The following OSBPL10 variants were observed in gnomAD, a reference collection of about 807,000 sequenced individuals.
The protein encoded by OSBPL10 is oxysterol-binding protein-related protein 10.
Under a neutral mutation model 81.7 loss-of-function variants are expected in OSBPL10, and 49 were observed. That is an observed-to-expected ratio of 0.60 (90% CI 0.48 to 0.76). The LOEUF (loss-of-function observed/expected upper bound fraction) is 0.76, where lower values mean the gene tolerates loss of function less well. Ranked by LOEUF, OSBPL10 falls within the 30% of genes least tolerant of loss-of-function variation. The pLI is 0.00. For synonymous variants in OSBPL10, 419 were observed against 383.6 expected, an observed-to-expected ratio of 1.09 and a Z score of -1.08; for missense variants, 923 against 987.8, an observed-to-expected ratio of 0.93 and a Z score of 0.88.
intron 2 of OSBPL10, among the ~76,000 whole-genome samples, chr3:32,017,712 A>AG (rs1699328178): frequency 6.6e-6 from 1 of 152,218 alleles, no homozygotes; most frequent in Non-Finnish European, 1.5e-5. Context: ...ACATCAGTTA[A>AG]GCCATTTCAC....
intron 1 of OSBPL10, among the ~76,000 whole-genome samples, chr3:31,919,125 G>A (rs1696839108): frequency 6.6e-6 from 1 of 152,138 alleles, no homozygotes; most frequent in Non-Finnish European, 1.5e-5. Flanking sequence ...CACCTGGAAA[G>A]ATCGCCTCTT....
intron 1 of OSBPL10, among the ~76,000 whole-genome samples, chr3:31,913,003 T>TAC (rs1212786750): frequency 5.3e-5 from 8 of 152,262 alleles, no homozygotes; most frequent in Admixed American, 3.3e-4. Context: ...TGTTTGTACA[T>TAC]ACACACACAC....
intron 6 of OSBPL10, among the ~76,000 whole-genome samples, chr3:31,727,075 C>T (rs1277719190): frequency 6.6e-6 from 1 of 152,034 alleles, no homozygotes; most frequent in Non-Finnish European, 1.5e-5. Context: ...TCAAGTGATC[C>T]TCCTGCTTTG....
At chr3:31,855,517 G>A (rs1700886589) in intron 3 of OSBPL10, among the ~76,000 whole-genome samples, 1 of 152,182 alleles carries the variant, frequency 6.6e-6, no homozygotes, top group East Asian at 1.9e-4. Context: ...ACCTGGCACA[G>A]TACATATTTG....
chr3:31,706,745 A>C (rs961529885), intron 6 of OSBPL10, among the ~76,000 whole-genome samples: 37 of 152,224 alleles, frequency 2.4e-4, no homozygotes, highest in African/African-American at 8.9e-4. Context: ...CATGACTGAA[A>C]TGCCAATCTT....
At chr3:32,047,090 A>T (rs1439439301) in intron 1 of OSBPL10, among the ~76,000 whole-genome samples, 1 of 151,936 alleles carries the variant, frequency 6.6e-6, no homozygotes, top group African/African-American at 2.4e-5. Flanking sequence ...ACGTCTGCTA[A>T]TCTCTGCCTC....
intron 2 of OSBPL10, among the ~76,000 whole-genome samples, chr3:32,029,431 G>A (rs1298497199): frequency 3.9e-5 from 6 of 152,078 alleles, no homozygotes; most frequent in African/African-American, 1.4e-4. Context: ...TTTCACTCCT[G>A]CTCAGAAACT....
intron 3 of OSBPL10, among the ~76,000 whole-genome samples, chr3:31,864,529 C>T (rs928271695): frequency 6.6e-6 from 1 of 152,180 alleles, no homozygotes; most frequent in South Asian, 2.1e-4. Context: ...AGTGAGCCAC[C>T]GCACCCGACC....
At chr3:31,730,358 A>G (rs563292845) in intron 6 of OSBPL10, among the ~76,000 whole-genome samples, 44 of 132,346 alleles carry the variant, frequency 3.3e-4, no homozygotes, top group South Asian at 1.1e-3. Flanking sequence ...AAAAAGGGGG[A>G]AAAAAAAAAA....
intron 1 of OSBPL10, among the ~76,000 whole-genome samples, chr3:31,974,135 A>C (rs1164942048): frequency 6.6e-6 from 1 of 152,252 alleles, no homozygotes; most frequent in Non-Finnish European, 1.5e-5. Context: ...AGAGGACTTA[A>C]AGAGCAGCTT....
chr3:31,819,297 T>G (rs1043937489), intron 4 of OSBPL10, among the ~76,000 whole-genome samples: 1 of 152,252 alleles, frequency 6.6e-6, no homozygotes, highest in Admixed American at 6.5e-5. Flanking sequence ...TTGACACATC[T>G]GGGAATCTCT....
At chr3:31,736,953 C>T (rs1004227241) in intron 5 of OSBPL10, among the ~76,000 whole-genome samples, 2 of 152,230 alleles carry the variant, frequency 1.3e-5, no homozygotes, top group South Asian at 2.1e-4. Context: ...ATCAGGACAA[C>T]GTTCCCTCCA....
At chr3:31,796,982 AATT>A (rs1261287309) in intron 4 of OSBPL10, among the ~76,000 whole-genome samples, 1 of 140,876 alleles carries the variant, frequency 7.1e-6, no homozygotes, top group Non-Finnish European at 1.5e-5. Context: ...TTATTTTATT[AATT>A]TTTATTAATT....
At chr3:31,841,619 C>G (rs542797885) in intron 3 of OSBPL10, among the ~76,000 whole-genome samples, 2 of 152,302 alleles carry the variant, frequency 1.3e-5, no homozygotes, top group South Asian at 4.1e-4. Flanking sequence ...TTTCAATATC[C>G]TCAATTTAAC....
rs145494962 is a variant in OSBPL10 at position 31,890,756 on chromosome 3, C to G, written c.282-10926G>C. 6.8e-4 allele frequency among the ~76,000 whole-genome samples: 104 copies of G among 152,260 alleles called. No individual in the cohort carries two copies. In the Middle Eastern group the frequency reaches 0.034, roughly 50 times the overall value. On this transcript the variant is annotated intron_variant, in intron 1 of 11. Coordinates refer to ENST00000396556, the MANE Select transcript of OSBPL10 (RefSeq NM_017784.5). ...GCCTCATTTCCCTCTGAACTATTAA[C>G]TCTTGAGTTTCTGGTGTCTTTAGGT...
At chr3:31,688,973 C>T (rs1397955150) in intron 7 of OSBPL10, among the ~76,000 whole-genome samples, 1 of 152,178 alleles carries the variant, frequency 6.6e-6, no homozygotes, top group Non-Finnish European at 1.5e-5. Context: ...CCTTCAAAGG[C>T]TCCAAAGGAG....
chr3:31,836,527 A>G (rs1700360637), intron 3 of OSBPL10, among the ~76,000 whole-genome samples: 1 of 148,622 alleles, frequency 6.7e-6, no homozygotes, highest in Admixed American at 6.7e-5. Context: ...CCATCCACCA[A>G]TCATCTAACC....
At chr3:31,946,073 C>T (rs184707803) in intron 1 of OSBPL10, among the ~76,000 whole-genome samples, 13 of 152,142 alleles carry the variant, frequency 8.5e-5, no homozygotes, top group Non-Finnish European at 1.8e-4. Flanking sequence ...CTCCGCCTCC[C>T]AGGTTCAAGT....
intron 6 of OSBPL10, among the ~76,000 whole-genome samples, chr3:31,716,640 C>A (rs528664754): frequency 6.6e-6 from 1 of 152,154 alleles, no homozygotes; most frequent in African/African-American, 2.4e-5. Context: ...CAATCCTAGG[C>A]GGCCAGTGAG....
Sources: gnomAD v4.1 joint callset for allele counts (sites outside exome capture counted in the v4.1 genomes callset) on GRCh38, gnomAD v4.1.1 for gene constraint, MANE v1.5 for transcripts, NCBI Gene and HGNC (gene_info 2026-07-23, HGNC 2026-07-21) for gene names.